KCNIP1: variants seen among roughly 807,000 people sequenced by gnomAD.
KCNIP1 encodes the protein A-type potassium channel modulatory protein KCNIP1.
Under a neutral mutation model 33.0 loss-of-function variants are expected in KCNIP1, and 18 were observed. The ratio of observed to expected loss-of-function variants is 0.55; its 90% CI spans 0.38 to 0.81. The LOEUF is 0.81. Among genes scored for constraint, KCNIP1 ranks in the 30% least tolerant of loss-of-function variants. The probability of loss-of-function intolerance (pLI) is 0.00; values close to 1 mark genes in which losing one functional copy is unlikely to be tolerated. For missense variants in KCNIP1, 238 were observed against 271.6 expected (o/e 0.88, Z 0.87); for synonymous variants, 93 against 98.3 (o/e 0.95, Z 0.32).
intron 1 of KCNIP1, among the ~76,000 whole-genome samples, chr5:170,612,874 C>G (rs1759224244): frequency 6.6e-6 from 1 of 152,170 alleles, no homozygotes; most frequent in Non-Finnish European, 1.5e-5. Flanking sequence ...CTCCCAAGAC[C>G]CAGTCAATCT....
intron 1 of KCNIP1, among the ~76,000 whole-genome samples, chr5:170,497,069 G>A (rs952645569): frequency 2.6e-5 from 4 of 152,146 alleles, no homozygotes; most frequent in African/African-American, 7.2e-5. Context: ...GAGACTGTGA[G>A]TTCCCTAATG....
intron 1 of KCNIP1, among the ~76,000 whole-genome samples, chr5:170,603,119 A>C (rs943075155): frequency 1.3e-5 from 2 of 152,220 alleles, no homozygotes; most frequent in Non-Finnish European, 2.9e-5. Context: ...ACCCACCCCA[A>C]ACCTGCTTTC....
At chr5:170,468,185 C>T (rs114802790) in intron 1 of KCNIP1, among the ~76,000 whole-genome samples, 3,311 of 151,906 alleles carry the variant, frequency 0.022, 123 homozygotes, top group African/African-American at 0.076. Context: ...TAAGCCTTGC[C>T]GTCTTTAGAA....
intron 1 of KCNIP1, among the ~76,000 whole-genome samples, chr5:170,379,190 G>T (rs770974316): frequency 6.6e-6 from 1 of 151,400 alleles, no homozygotes; most frequent in Non-Finnish European, 1.5e-5. Flanking sequence ...GAGCTGCTCG[G>T]GGTACAGGCT....
intron 1 of KCNIP1, among the ~76,000 whole-genome samples, chr5:170,583,418 G>A (rs1757870697): frequency 6.6e-6 from 1 of 150,784 alleles, no homozygotes; most frequent in East Asian, 1.9e-4. Context: ...CGAGATCGTG[G>A]TGGTGATGAT....
chr5:170,634,030 T>C (rs1273316377), intron 1 of KCNIP1, among the ~76,000 whole-genome samples: 3 of 152,106 alleles, frequency 2.0e-5, no homozygotes. Flanking sequence ...GATGTGGTTC[T>C]GCGGGTGTTG....
chr5:170,673,445 G>A (rs1327690710), intron 1 of KCNIP1, among the ~76,000 whole-genome samples: 2 of 152,246 alleles, frequency 1.3e-5, no homozygotes, highest in Non-Finnish European at 2.9e-5. Context: ...ATACAGTGAC[G>A]TAGGTCTACC....
At chr5:170,538,270 C>T (rs1756070673) in intron 1 of KCNIP1, among the ~76,000 whole-genome samples, 1 of 152,196 alleles carries the variant, frequency 6.6e-6, no homozygotes, top group African/African-American at 2.4e-5. Context: ...CTCTGAGGCA[C>T]ATGCCATCGG....
chr5:170,578,914 G>A (rs1757695866), intron 1 of KCNIP1, among the ~76,000 whole-genome samples: 1 of 152,142 alleles, frequency 6.6e-6, no homozygotes, highest in Non-Finnish European at 1.5e-5. Context: ...ATAGCAAGAG[G>A]GAGGGCCCTG....
chr5:170,611,988 A>G (rs1404632104), intron 1 of KCNIP1, among the ~76,000 whole-genome samples: 1 of 152,194 alleles, frequency 6.6e-6, no homozygotes, highest in Non-Finnish European at 1.5e-5. Context: ...AGACAGAAGT[A>G]CTTTTCCTCC....
At chr5:170,551,967 T>G (rs1017642313) in intron 1 of KCNIP1, among the ~76,000 whole-genome samples, 1 of 151,596 alleles carries the variant, frequency 6.6e-6, no homozygotes, top group Non-Finnish European at 1.5e-5. Flanking sequence ...TGTGTGTATG[T>G]GTTTGAGTGT....
At chr5:170,641,924 C>T (rs1339002738) in intron 1 of KCNIP1, 1 of 152,278 alleles carries the variant, frequency 6.6e-6, no homozygotes, top group African/African-American at 2.4e-5. Flanking sequence ...TCGGCCATTT[C>T]CAAACTCACG....
intron 1 of KCNIP1, among the ~76,000 whole-genome samples, chr5:170,484,891 C>T (rs1465460336): frequency 6.6e-6 from 1 of 151,902 alleles, no homozygotes; most frequent in African/African-American, 2.4e-5. Context: ...TCTGTAGCCA[C>T]ACCCAGTGGG....
intron 5 of KCNIP1, among the ~76,000 whole-genome samples, chr5:170,727,876 G>T (rs1381938313): frequency 6.6e-6 from 1 of 152,128 alleles, no homozygotes; most frequent in African/African-American, 2.4e-5. Context: ...AGGAGTTCAA[G>T]CCTGCCCTGA....
chr5:170,673,257 A>G (rs1299402181), intron 1 of KCNIP1, among the ~76,000 whole-genome samples: 1 of 152,256 alleles, frequency 6.6e-6, no homozygotes, highest in African/African-American at 2.4e-5. Flanking sequence ...AAAGTGAGAC[A>G]AACTTTGGAG....
chr5:170,479,186 C>T (rs1040710087), intron 1 of KCNIP1, among the ~76,000 whole-genome samples: 2 of 152,146 alleles, frequency 1.3e-5, no homozygotes, highest in Non-Finnish European at 2.9e-5. Context: ...ACTATAAAAT[C>T]CTGATTATAT....
At chr5:170,381,343 G>A (rs1764230808) in intron 1 of KCNIP1, among the ~76,000 whole-genome samples, 1 of 152,178 alleles carries the variant, frequency 6.6e-6, no homozygotes, top group Non-Finnish European at 1.5e-5. Flanking sequence ...ACAATGGGAG[G>A]GAATTTAGAA....
chr5:170,674,641 G>T (rs775430279), intron 1 of KCNIP1, among the ~76,000 whole-genome samples: 2 of 152,174 alleles, frequency 1.3e-5, no homozygotes, highest in African/African-American at 4.8e-5. Flanking sequence ...TGGGAGAGTA[G>T]GTTCTGAAAT....
At chr5:170,547,308 C>T (rs1756450157) in intron 1 of KCNIP1, among the ~76,000 whole-genome samples, 1 of 152,184 alleles carries the variant, frequency 6.6e-6, no homozygotes, top group Non-Finnish European at 1.5e-5. Context: ...TAAGAGTTTA[C>T]TAATTGTCTC....
Sources: allele counts gnomAD v4.1 joint callset (sites outside exome capture counted in the v4.1 genomes callset), GRCh38; gene constraint gnomAD v4.1.1; transcripts MANE v1.5; gene names NCBI Gene and HGNC (gene_info 2026-07-23, HGNC 2026-07-21).